DOCK8: variants seen among roughly 807,000 people sequenced by gnomAD.
DOCK8 encodes the protein dedicator of cytokinesis 8.
Under a neutral mutation model 245.6 loss-of-function variants are expected in DOCK8, and 141 were observed. The observed-to-expected ratio is 0.57, with a 90% CI of 0.50 to 0.66. The LOEUF (loss-of-function observed/expected upper bound fraction) is 0.66, where lower values mean the gene tolerates loss of function less well. Ranked by LOEUF, DOCK8 falls within the 30% of genes least tolerant of loss-of-function variation. The pLI is 0.00. For synonymous variants in DOCK8, 1,168 were observed against 970.2 expected (o/e 1.20, Z -3.79); for missense variants, 2,965 against 2,603.4 (o/e 1.14, Z -3.02).
chr9:407,075 T>A lies in DOCK8; in HGVS notation c.3530+6T>A, dbSNP rs772937697. On this transcript the variant is annotated splice_donor_region_variant and intron_variant, in intron 28 of 47. Coordinates refer to ENST00000432829, the MANE Select transcript of DOCK8 (RefSeq NM_203447.4). ...CTGGATGCCGAAGGGGAAGGGTATG[T>A]TTCTGGCATTTAAAATGGAAGATGA... 5.0e-6 allele frequency: 8 copies of A among 1,613,908 alleles called. No homozygotes were observed. The South Asian group carries it at 7.7e-5, about 16-fold the overall frequency.
At chr9:308,702 G>C (rs1199774755) in intron 5 of DOCK8, among the ~76,000 whole-genome samples, 2 of 152,102 alleles carry the variant, frequency 1.3e-5, no homozygotes, top group African/African-American at 4.8e-5. Flanking sequence ...CTGTCGCCTA[G>C]GCTGGAGTGC....
intron 33 of DOCK8, among the ~76,000 whole-genome samples, chr9:423,230 CA>C (rs1218354537): frequency 6.6e-6 from 1 of 152,054 alleles, no homozygotes; most frequent in Non-Finnish European, 1.5e-5. Flanking sequence ...CTGTTTGGAT[CA>C]AAATCTATGC....
At chr9:400,967 TCCTCCACCATCAC>T (rs2055032858) in intron 26 of DOCK8, among the ~76,000 whole-genome samples, 1 of 42,346 alleles carries the variant, frequency 2.4e-5, no homozygotes, top group African/African-American at 4.6e-4. Context: ...CACCACCACC[TCCTCCACCATCAC>T]CACCTCCTCC....
intron 26 of DOCK8, among the ~76,000 whole-genome samples, chr9:400,633 C>A (rs1267080861): frequency 6.3e-4 from 81 of 128,822 alleles, no homozygotes; most frequent in Non-Finnish European, 6.9e-4. Context: ...CCATCACCAC[C>A]ACCTCCACCA....
At chr9:301,201 A>G (rs1268666679) in intron 4 of DOCK8, among the ~76,000 whole-genome samples, 1 of 152,222 alleles carries the variant, frequency 6.6e-6, no homozygotes, top group Non-Finnish European at 1.5e-5. Flanking sequence ...ACAAATCAAT[A>G]AATGAGACTC....
chr9:225,723 A>G (rs963872526), intron 1 of DOCK8, among the ~76,000 whole-genome samples: 1 of 152,192 alleles, frequency 6.6e-6, no homozygotes, highest in Non-Finnish European at 1.5e-5. Context: ...CTAAATAAAC[A>G]AGGAAACATC....
At chr9:215,217 G>T (rs1339439399) in intron 1 of DOCK8, 188 bp downstream of exon 1, 1 of 1,542,934 alleles carries the variant, frequency 6.5e-7, no homozygotes. Context: ...CGGCTCCTGC[G>T]CTGGGCCCGG....
At chr9:348,303 A>G (rs10491688) in intron 14 of DOCK8, among the ~76,000 whole-genome samples, 20,839 of 152,232 alleles carry the variant, frequency 0.14, 1,790 homozygotes, top group Non-Finnish European at 0.2. Context: ...GAATTTTCCT[A>G]GAATCATGGT....
In DOCK8 at chr9:306,750, C is replaced by A. The variant is rs900338803; in HGVS notation, c.528+2046C>A. Among the ~76,000 whole-genome samples, 7 of 152,266 alleles carry A rather than the reference C, an allele frequency of 4.6e-5. No individual in the cohort carries two copies. The East Asian group carries it at 9.7e-4, about 21-fold the overall frequency. Reference sequence around the variant, plus strand: ...ACCTCATACTTTTTAATTAGCATTTCCTAAGTGATGCTGATGCTGCTGGTC... The same window carrying A: ...ACCTCATACTTTTTAATTAGCATTTACTAAGTGATGCTGATGCTGCTGGTC... On this transcript the variant is annotated intron_variant, in intron 5 of 47. Coordinates refer to ENST00000432829, the MANE Select transcript of DOCK8 (RefSeq NM_203447.4).
intron 29 of DOCK8, 57 bp downstream of exon 29, chr9:415,008 A>T (rs1196678112): frequency 1.2e-6 from 2 of 1,600,788 alleles, no homozygotes; most frequent in African/African-American, 1.3e-5. Flanking sequence ...CAAATGCCCC[A>T]TCCGAATGAG....
chr9:432,469 GC>G, intron 37 of DOCK8, 145 bp downstream of exon 37: 2 of 794,350 alleles, frequency 2.5e-6, no homozygotes, highest in Non-Finnish European at 4.0e-6. Flanking sequence ...TGTGCTCTCA[GC>G]ACTCTGAGAG....
rs764443366 is a variant in DOCK8, at chr9:422,055, C to T, written c.4161C>T (p.Asp1387=). Residue 1387 remains aspartate, a synonymous_variant, in exon 33 of 48, where the codon GAC becomes GAT. Coordinates refer to ENST00000432829, the MANE Select transcript of DOCK8 (RefSeq NM_203447.4). ...GCATTTCTTAACTCCTAGGGAACGACCGATTTCCAGGCCTAAATGAAAATT... is the reference window on the plus strand; with the variant it reads ...GCATTTCTTAACTCCTAGGGAACGATCGATTTCCAGGCCTAAATGAAAATT... The part of the protein sequence containing the change: ...EMMRRRAPGN[D]RFPGLNENLR... 1 of 1,613,946 alleles carries T rather than the reference C, an allele frequency of 6.2e-7. No homozygotes were observed. Among genetic ancestry groups the T allele is most frequent in the Non-Finnish European group, 8.5e-7 (1 of 1,179,910 alleles).
At chr9:258,592 C>CTT (rs540266063) in intron 1 of DOCK8, among the ~76,000 whole-genome samples, 654 of 100,142 alleles carry the variant, frequency 6.5e-3, no homozygotes, top group Non-Finnish European at 8.4e-3. Context: ...TGAAGAGACT[C>CTT]TTTTTTTTTT....
chr9:379,953 G>A lies in DOCK8; in HGVS notation c.2605+18G>A, dbSNP rs980991322. On this transcript the variant is annotated intron_variant, in intron 21 of 47. Transcript: ENST00000432829. ...CAAGTCAGGTAGAGTTGCCCTGAGTGTGGGACTCTGGTGGGCGGGGCAACA... is the reference window on the plus strand; with the variant it reads ...CAAGTCAGGTAGAGTTGCCCTGAGTATGGGACTCTGGTGGGCGGGGCAACA... 2.5e-6 allele frequency: 4 copies of A among 1,612,294 alleles called. No homozygotes were observed. The African/African-American group carries it at 5.3e-5, about 22-fold the overall frequency.
rs140102682 is a variant in DOCK8 at position 361,404 on chromosome 9, C to T, written c.1680-6614C>T. ...CATTTTAAAAGGCACTCCGTTTGTT[C>T]ACACAATCCTGGTAAGAAGATCATC... is the stretch of plus-strand genomic sequence containing the variant. On this transcript the variant is annotated intron_variant, in intron 14 of 47. Coordinates refer to ENST00000432829, the MANE Select transcript of DOCK8 (RefSeq NM_203447.4). Among the ~76,000 whole-genome samples, 504 of 152,310 alleles carry T rather than the reference C, an allele frequency of 3.3e-3. 10 individuals carry two copies. Among genetic ancestry groups the T allele is most frequent in the East Asian group, 9.8e-3 (51 of 5,190 alleles).
intron 25 of DOCK8, 57 bp downstream of exon 25, chr9:396,991 T>C (rs1229602832): frequency 6.5e-7 from 1 of 1,531,124 alleles, no homozygotes; most frequent in Non-Finnish European, 9.0e-7. Context: ...TATATTACTT[T>C]CATAATCAGA....
rs770294635 is a variant in DOCK8 at position 368,143 on chromosome 9, G to A, written c.1797+8G>A. 5 of 1,611,196 alleles carry A rather than the reference G, an allele frequency of 3.1e-6. No homozygotes were observed. In the Admixed American group the frequency reaches 6.7e-5, roughly 21 times the overall value. On this transcript the variant is annotated splice_region_variant and intron_variant, in intron 15 of 47. Transcript: ENST00000432829. ...GCTAGCAATGCGATGCCGGTAAGGA[G>A]GGAAACGAACATTTGCCTCAAATCA...
intron 1 of DOCK8, among the ~76,000 whole-genome samples, chr9:236,684 C>T (rs1014264085): frequency 6.6e-6 from 1 of 152,154 alleles, no homozygotes; most frequent in Non-Finnish European, 1.5e-5. Context: ...AACAAACAAT[C>T]TCAAAATCTC....
chr9:266,737 C>T (rs1282815650), intron 1 of DOCK8, among the ~76,000 whole-genome samples: 2 of 152,166 alleles, frequency 1.3e-5, no homozygotes, highest in African/African-American at 2.4e-5. Flanking sequence ...ACTCCTTAGT[C>T]ACAATGGGTA....
Sources: gnomAD v4.1 joint callset for allele counts (sites outside exome capture counted in the v4.1 genomes callset) on GRCh38, gnomAD v4.1.1 for gene constraint, MANE v1.5 for transcripts, NCBI Gene and HGNC (gene_info 2026-07-23, HGNC 2026-07-21) for gene names.